The following ASCC3 variants were observed in gnomAD, a reference collection of about 807,000 sequenced individuals.
ASCC3 encodes ASC-1 complex subunit P200.
Under a neutral mutation model 256.3 loss-of-function variants are expected in ASCC3, and 158 were observed. That is an observed-to-expected ratio of 0.62 (90% CI 0.54 to 0.70). ASCC3 has a LOEUF of 0.70. ASCC3 is among the 30% of genes least tolerant of loss of function. The pLI is 0.00. For synonymous variants in ASCC3, 948 were observed against 883.4 expected, an observed-to-expected ratio of 1.07 and a Z score of -1.30; for missense variants, 2,259 against 2,626.0, an observed-to-expected ratio of 0.86 and a Z score of 3.05.
intron 36 of ASCC3, among the ~76,000 whole-genome samples, chr6:100,566,843 G>A (rs1770279229): frequency 6.6e-6 from 1 of 152,044 alleles, no homozygotes; most frequent in African/African-American, 2.4e-5. Context: ...ACTCCTAGCT[G>A]TATTTTCTGT....
chr6:100,567,972 T>C (rs1330119014), intron 36 of ASCC3, among the ~76,000 whole-genome samples: 2 of 152,224 alleles, frequency 1.3e-5, no homozygotes, highest in Non-Finnish European at 2.9e-5. Flanking sequence ...TCCAAACTGC[T>C]TTCCACAGTG....
chr6:100,757,937 C>A (rs767025162), intron 10 of ASCC3, among the ~76,000 whole-genome samples: 1 of 152,102 alleles, frequency 6.6e-6, no homozygotes, highest in Non-Finnish European at 1.5e-5. Context: ...GAAACAGAAT[C>A]TTTTTGACAA....
intron 34 of ASCC3, among the ~76,000 whole-genome samples, chr6:100,591,472 GGCTTACTAA>G (rs1407197667): frequency 2.0e-5 from 3 of 151,684 alleles, no homozygotes; most frequent in Non-Finnish European, 4.4e-5. Flanking sequence ...ACATTCTTTT[GGCTTACTAA>G]GCCTATAAAT....
At position 100,781,741 on chromosome 6, in the gene ASCC3, T is replaced by C. The variant is rs183112376; in HGVS notation, c.1396-14396A>G. Among the ~76,000 whole-genome samples, 676 of 152,070 alleles carry C rather than the reference T, an allele frequency of 4.4e-3. 4 individuals carry two copies. The highest frequency in any genetic ancestry group is 0.015 in the African/African-American group (633 of 41,518). ...GTAGTTTCAAAACATACTTTTAATA[T>C]ATTTTTTAATCTTCCTGACACTAAG... On this transcript the variant is annotated intron_variant, in intron 8 of 41. Coordinates refer to ENST00000369162, the MANE Select transcript of ASCC3 (RefSeq NM_006828.4).
intron 14 of ASCC3, among the ~76,000 whole-genome samples, chr6:100,671,952 A>T (rs1776773267): frequency 6.6e-6 from 1 of 152,004 alleles, no homozygotes. Context: ...ACTCCCTGTC[A>T]CTATTTACAT....
chr6:100,699,284 G>A (rs1258937940), intron 13 of ASCC3, among the ~76,000 whole-genome samples: 1 of 152,122 alleles, frequency 6.6e-6, no homozygotes, highest in Non-Finnish European at 1.5e-5. Flanking sequence ...TGCTGTTCTT[G>A]TGATAGTGAA....
chr6:100,528,206 A>G (rs1157674982), intron 37 of ASCC3, among the ~76,000 whole-genome samples: 1 of 152,180 alleles, frequency 6.6e-6, no homozygotes, highest in African/African-American at 2.4e-5. Flanking sequence ...CATTTTCAGA[A>G]TATCTGTGAA....
At chr6:100,661,040 A>G (rs1776169540) in intron 16 of ASCC3, among the ~76,000 whole-genome samples, 2 of 151,872 alleles carry the variant, frequency 1.3e-5, no homozygotes, top group Admixed American at 6.6e-5. Flanking sequence ...TTTGTACAAA[A>G]TAAGTAGTAT....
chr6:100,680,483 CCT>C (rs1777245351), intron 13 of ASCC3, among the ~76,000 whole-genome samples: 1 of 152,118 alleles, frequency 6.6e-6, no homozygotes, highest in Non-Finnish European at 1.5e-5. Flanking sequence ...TCTTCTTTGG[CCT>C]CTACCTTACA....
chr6:100,536,460 A>G (rs1002128084), intron 37 of ASCC3, among the ~76,000 whole-genome samples: 14 of 152,192 alleles, frequency 9.2e-5, no homozygotes, highest in African/African-American at 2.7e-4. Context: ...ACACCCAAGT[A>G]GCAATGGAAT....
chr6:100,791,708 T>C (rs1490558988), intron 8 of ASCC3, among the ~76,000 whole-genome samples: 1 of 151,976 alleles, frequency 6.6e-6, no homozygotes, highest in Non-Finnish European at 1.5e-5. Flanking sequence ...TTCATTTTGT[T>C]TTTTCTAATG....
chr6:100,653,665 T>C (rs556758819), intron 17 of ASCC3, among the ~76,000 whole-genome samples: 41 of 151,464 alleles, frequency 2.7e-4, no homozygotes, highest in Non-Finnish European at 5.0e-4. Context: ...TCACTTTACT[T>C]ACTTTTTACT....
chr6:100,763,911 T>A (rs1244461306), intron 10 of ASCC3, among the ~76,000 whole-genome samples: 1 of 152,184 alleles, frequency 6.6e-6, no homozygotes, highest in African/African-American at 2.4e-5. Context: ...ACTTCTTACA[T>A]CCATTGCTTG....
chr6:100,636,135 T>A (rs1774832059), intron 25 of ASCC3, among the ~76,000 whole-genome samples: 1 of 152,216 alleles, frequency 6.6e-6, no homozygotes, highest in Non-Finnish European at 1.5e-5. Flanking sequence ...CGGATATTGT[T>A]TTTTTACAAA....
intron 27 of ASCC3, among the ~76,000 whole-genome samples, 197 bp from the exon 28 acceptor site, chr6:100,628,184 A>T (rs188928331): frequency 6.6e-6 from 1 of 151,968 alleles, no homozygotes; most frequent in East Asian, 1.9e-4. Context: ...ATGCTGAATT[A>T]AAAAAAACTG....
chr6:100,562,124 G>A (rs1196217826), intron 36 of ASCC3, among the ~76,000 whole-genome samples: 1 of 151,460 alleles, frequency 6.6e-6, no homozygotes, highest in Non-Finnish European at 1.5e-5. Flanking sequence ...CCATTGGACT[G>A]TCAGTTGGAA....
intron 30 of ASCC3, among the ~76,000 whole-genome samples, chr6:100,611,968 TC>T (rs2114826967): frequency 6.6e-6 from 1 of 152,068 alleles, no homozygotes; most frequent in East Asian, 1.9e-4. Flanking sequence ...TAGGTGTCTT[TC>T]CAATAAATAG....
chr6:100,521,625 G>A (rs1774315524), intron 37 of ASCC3, among the ~76,000 whole-genome samples: 1 of 152,164 alleles, frequency 6.6e-6, no homozygotes, highest in South Asian at 2.1e-4. Context: ...TATGTTCTAA[G>A]GATAAGGGGG....
At chr6:100,675,201 G>C (rs1050400358) in intron 14 of ASCC3, among the ~76,000 whole-genome samples, 4 of 151,268 alleles carry the variant, frequency 2.6e-5, no homozygotes, top group Admixed American at 2.6e-4. Flanking sequence ...ATCCTATGTG[G>C]TGGTAACTGA....
Sources: allele counts gnomAD v4.1 joint callset (sites outside exome capture counted in the v4.1 genomes callset), GRCh38; gene constraint gnomAD v4.1.1; transcripts MANE v1.5; gene names NCBI Gene and HGNC (gene_info 2026-07-23, HGNC 2026-07-21).